The following JAK1 variants were observed in gnomAD, a reference collection of about 807,000 sequenced individuals.
JAK1 encodes the protein tyrosine-protein kinase JAK1.
In JAK1, 16 loss-of-function variants were observed where a neutral mutation model predicts 136.6. The observed-to-expected ratio is 0.12, with a 90% CI of 0.08 to 0.18. The LOEUF is 0.18. Among genes scored for constraint, JAK1 ranks in the 10% least tolerant of loss-of-function variants. The pLI, the probability that JAK1 is intolerant of heterozygous loss-of-function variation, is 1.00. For missense variants in JAK1, 859 were observed against 1,450.1 expected (o/e 0.59, Z 6.62); for synonymous variants, 492 against 519.5 (o/e 0.95, Z 0.72).
At chr1:65,020,044 G>C (rs753357671) in intron 2 of JAK1, among the ~76,000 whole-genome samples, 1 of 151,736 alleles carries the variant, frequency 6.6e-6, no homozygotes, top group Non-Finnish European at 1.5e-5. Flanking sequence ...TGGCCAACAT[G>C]GTGAAACCCC....
chr1:64,881,902 A>C (rs1644778733), intron 3 of JAK1, among the ~76,000 whole-genome samples: 1 of 152,196 alleles, frequency 6.6e-6, no homozygotes. Context: ...AATAAACAAT[A>C]TAAACCAAAT....
At chr1:64,900,859 T>C (rs1645093964) in intron 1 of JAK1, among the ~76,000 whole-genome samples, 1 of 152,192 alleles carries the variant, frequency 6.6e-6, no homozygotes, top group South Asian at 2.1e-4. Context: ...CCAAACGTAC[T>C]GAGTTACCTG....
intron 1 of JAK1, among the ~76,000 whole-genome samples, chr1:64,964,310 C>A (rs1646335847): frequency 6.6e-6 from 1 of 152,176 alleles, no homozygotes; most frequent in Non-Finnish European, 1.5e-5. Flanking sequence ...GAAAAAAACA[C>A]CAGAGGAATC....
At position 64,855,974 on chromosome 1, in the gene JAK1, G is replaced by C. The variant is rs147584273; in HGVS notation, c.1459-276C>G. ...AGCTATTTCTACAAAAGCGTCACTT[G>C]GTTTTTCACCTGTAAGATAAAGTTC... is the stretch of plus-strand genomic sequence containing the variant. On this transcript the variant is annotated intron_variant, in intron 10 of 24. Coordinates refer to ENST00000342505, the MANE Select transcript of JAK1 (RefSeq NM_002227.4). 2.0e-5 allele frequency among the ~76,000 whole-genome samples: 3 copies of C among 152,256 alleles called. No individual in the cohort carries two copies. In the East Asian group the frequency reaches 5.8e-4, roughly 29 times the overall value.
intron 17 of JAK1, among the ~76,000 whole-genome samples, chr1:64,843,111 T>A (rs1273525707): frequency 6.6e-6 from 1 of 152,050 alleles, no homozygotes; most frequent in Non-Finnish European, 1.5e-5. Flanking sequence ...CCCAGTAAAA[T>A]GTAGGTTCTG....
chr1:64,889,107 A>G (rs1237476910), intron 1 of JAK1, among the ~76,000 whole-genome samples: 2 of 152,208 alleles, frequency 1.3e-5, no homozygotes, highest in Non-Finnish European at 2.9e-5. Flanking sequence ...TAAACCAGAC[A>G]ATGTGATCTA....
chr1:64,875,922 A>G (rs1341237264), intron 4 of JAK1: 1 of 152,290 alleles, frequency 6.6e-6, no homozygotes, highest in African/African-American at 2.4e-5. Flanking sequence ...TCTCCCTGGG[A>G]CAAGCAGGAA....
chr1:64,872,086 G>A (rs1198592897), intron 5 of JAK1, among the ~76,000 whole-genome samples: 4 of 152,162 alleles, frequency 2.6e-5, no homozygotes, highest in Admixed American at 2.0e-4. Flanking sequence ...GGCCCTCAGG[G>A]CCTTCCCCCA....
In JAK1 at chr1:64,836,293, C is replaced by T. The variant is rs983116581; in HGVS notation, c.3141-78G>A. ...CGACATTACAGGATAACTGAAAAAT[C>T]ACCTCTTCGGTTTTTCTTATAATTT... On this transcript the variant is annotated intron_variant, in intron 22 of 24. Transcript: ENST00000342505. 3.6e-6 allele frequency: 3 copies of T among 822,082 alleles called. No individual in the cohort carries two copies. In the African/African-American group the frequency reaches 5.1e-5, roughly 14 times the overall value. The allele number at this position is 822,082 out of a possible 1,614,324, so 50.9% of individuals were successfully genotyped here.
In JAK1 at chr1:64,930,006, C is replaced by T. The variant is rs1040108396; in HGVS notation, c.-78+36327G>A. Among the ~76,000 whole-genome samples, 127 of 152,312 alleles carry T rather than the reference C, an allele frequency of 8.3e-4. 1 individual carries two copies. The highest frequency in any genetic ancestry group is 1.5e-3 in the Non-Finnish European group (102 of 68,030). The stretch of plus-strand genomic sequence containing the variant: ...GCAGAAAACTGAAACTGGACACCTT[C>T]CTTACACCTTATACAAAAATTAACT... On this transcript the variant is annotated intron_variant, in intron 1 of 24. Coordinates refer to ENST00000342505, the MANE Select transcript of JAK1 (RefSeq NM_002227.4).
chr1:64,955,305 C>T (rs1444687587), intron 1 of JAK1, among the ~76,000 whole-genome samples: 1 of 152,166 alleles, frequency 6.6e-6, no homozygotes, highest in African/African-American at 2.4e-5. Context: ...CAGAGGATCA[C>T]ACACCACCAG....
chr1:65,024,573 T>C (rs1017900246), intron 2 of JAK1, among the ~76,000 whole-genome samples: 7 of 149,414 alleles, frequency 4.7e-5, no homozygotes, highest in African/African-American at 1.5e-4. Context: ...CCTACATTAT[T>C]AGCTTAAGCA....
At chr1:64,900,949 C>G (rs992194397) in intron 1 of JAK1, among the ~76,000 whole-genome samples, 1 of 152,164 alleles carries the variant, frequency 6.6e-6, no homozygotes, top group African/African-American at 2.4e-5. Context: ...GCTCAGGAAT[C>G]ATCTCCATCA....
At chr1:64,846,881 T>C (rs1655270091) in intron 13 of JAK1, 145 bp from the exon 14 acceptor site, 5 of 642,260 alleles carry the variant, frequency 7.8e-6, no homozygotes, top group Non-Finnish European at 1.1e-5. Context: ...CCTCTGGCCT[T>C]GGCTGTCCAG....
chr1:65,039,784 T>G (rs936194980), intron 2 of JAK1, among the ~76,000 whole-genome samples: 2 of 152,192 alleles, frequency 1.3e-5, no homozygotes, highest in African/African-American at 2.4e-5. Flanking sequence ...CAGGGTTATG[T>G]GTTCTATTTG....
At chr1:64,949,099 G>A (rs1646037724) in intron 1 of JAK1, among the ~76,000 whole-genome samples, 1 of 152,184 alleles carries the variant, frequency 6.6e-6, no homozygotes, top group Non-Finnish European at 1.5e-5. Context: ...AAGGAGTTTG[G>A]ATAGACTTAA....
At chr1:64,920,975 C>G (rs1403087414) in intron 1 of JAK1, among the ~76,000 whole-genome samples, 1 of 152,138 alleles carries the variant, frequency 6.6e-6, no homozygotes, top group African/African-American at 2.4e-5. Context: ...GTTCTAAAAG[C>G]TTTTTATAAA....
chr1:65,015,214 T>G (rs1646883338), intron 2 of JAK1, among the ~76,000 whole-genome samples: 2 of 152,068 alleles, frequency 1.3e-5, no homozygotes, highest in Admixed American at 6.6e-5. Context: ...TATGAATAAA[T>G]CTAAACAATG....
intron 2 of JAK1, among the ~76,000 whole-genome samples, chr1:65,034,930 C>T (rs1326700623): frequency 6.6e-6 from 1 of 152,114 alleles, no homozygotes; most frequent in Non-Finnish European, 1.5e-5. Context: ...GCGGTGTGCG[C>T]CTGTAATCCC....
Sources: allele counts gnomAD v4.1 joint callset (sites outside exome capture counted in the v4.1 genomes callset), GRCh38; gene constraint gnomAD v4.1.1; transcripts MANE v1.5; gene names NCBI Gene and HGNC (gene_info 2026-07-23, HGNC 2026-07-21).